RANBP2: variants seen among roughly 807,000 people sequenced by gnomAD.
RANBP2 encodes RAN binding protein 2, also known as E3 SUMO-protein ligase RanBP2.
RANBP2 carries 57 observed loss-of-function variants against 303.6 expected under a neutral mutation model. The observed-to-expected ratio is 0.19, with a 90% confidence interval of 0.15 to 0.23. The LOEUF is 0.23. Ranked by LOEUF, RANBP2 falls within the 10% of genes least tolerant of loss-of-function variation. The probability of loss-of-function intolerance (pLI) is 1.00; values close to 1 mark genes in which losing one functional copy is unlikely to be tolerated. For missense variants in RANBP2, 3,138 were observed against 3,780.8 expected (o/e 0.83, Z 4.46); for synonymous variants, 1,167 against 1,301.5 (o/e 0.90, Z 2.23).
At chr2:109,421,956 T>C in the RANBP2 span, among the ~76,000 whole-genome samples, 2 of 152,212 alleles carry the variant, frequency 1.3e-5, no homozygotes. Flanking sequence ...TCCTTTATTT[T>C]ATCCCCAGAG....
the RANBP2 span, among the ~76,000 whole-genome samples, chr2:109,721,910 C>G: frequency 2.0e-5 from 3 of 152,200 alleles, no homozygotes. Context: ...TGGGTGGTCT[C>G]CACGGAGCCC....
the RANBP2 span, among the ~76,000 whole-genome samples, chr2:109,693,320 G>T: frequency 6.6e-6 from 1 of 152,100 alleles, no homozygotes; most frequent in Non-Finnish European, 1.5e-5. Context: ...TTGCAAGTGT[G>T]TGCCACCATG....
chr2:109,659,924 C>T, the RANBP2 span, among the ~76,000 whole-genome samples: 1 of 152,158 alleles, frequency 6.6e-6, no homozygotes, highest in East Asian at 1.9e-4. Flanking sequence ...GCCCAGATAG[C>T]AAAGTTGGGG....
At chr2:108,861,678 A>G in the RANBP2 span, among the ~76,000 whole-genome samples, 1 of 151,948 alleles carries the variant, frequency 6.6e-6, no homozygotes, top group Non-Finnish European at 1.5e-5. Flanking sequence ...ACAGGGTTTC[A>G]CCATATTGGC....
chr2:109,212,221 C>A, the RANBP2 span, among the ~76,000 whole-genome samples: 1 of 152,138 alleles, frequency 6.6e-6, no homozygotes, highest in Non-Finnish European at 1.5e-5. Context: ...TTTTCTTCCT[C>A]CTCTTCTTGA....
chr2:109,163,643 C>T, the RANBP2 span, among the ~76,000 whole-genome samples: 837 of 152,038 alleles, frequency 5.5e-3, 7 homozygotes, highest in African/African-American at 0.019. Flanking sequence ...TCGTGATCCG[C>T]CCGCCTCGGC....
chr2:109,492,497 G>A, the RANBP2 span, among the ~76,000 whole-genome samples: 2 of 152,186 alleles, frequency 1.3e-5, no homozygotes, highest in Non-Finnish European at 2.9e-5. Context: ...ACTCAGCAGT[G>A]GGCATGGATT....
the RANBP2 span, among the ~76,000 whole-genome samples, chr2:109,243,108 G>A: frequency 6.6e-6 from 1 of 152,258 alleles, no homozygotes; most frequent in Non-Finnish European, 1.5e-5. Flanking sequence ...GAGATGGGAG[G>A]TGTTGTCTTT....
At chr2:108,731,182 G>A (rs954244181) in intron 3 of RANBP2, 140 bp from the exon 4 acceptor site, 147 of 1,391,444 alleles carry the variant, frequency 1.1e-4, no homozygotes, top group Admixed American at 7.9e-4. Flanking sequence ...TAACACCTTT[G>A]AAGTAACATG....
At chr2:109,218,304 G>T in the RANBP2 span, among the ~76,000 whole-genome samples, 7 of 152,154 alleles carry the variant, frequency 4.6e-5, no homozygotes, top group Admixed American at 2.0e-4. Flanking sequence ...CCGTTTTTGT[G>T]GCTTAGAGGA....
At chr2:108,961,721 A>G in the RANBP2 span, among the ~76,000 whole-genome samples, 1 of 152,266 alleles carries the variant, frequency 6.6e-6, no homozygotes, top group South Asian at 2.1e-4. Flanking sequence ...GTGGGTGCGG[A>G]AAAGCCTGGG....
At chr2:109,259,530 T>A in the RANBP2 span, among the ~76,000 whole-genome samples, 1 of 152,220 alleles carries the variant, frequency 6.6e-6, no homozygotes, top group Non-Finnish European at 1.5e-5. Context: ...CCGGGGCCCT[T>A]CATGCCTTAA....
At chr2:109,062,654 C>A in the RANBP2 span, among the ~76,000 whole-genome samples, 2 of 152,184 alleles carry the variant, frequency 1.3e-5, no homozygotes, top group African/African-American at 2.4e-5. Flanking sequence ...TTGGAGAAGG[C>A]AGGACAGCAG....
At chr2:109,603,158 T>C in the RANBP2 span, among the ~76,000 whole-genome samples, 1 of 152,096 alleles carries the variant, frequency 6.6e-6, no homozygotes, top group Non-Finnish European at 1.5e-5. Context: ...TACTTAGGAA[T>C]CAGTGTGAAG....
intron 24 of RANBP2, 101 bp downstream of exon 24, chr2:108,776,037 C>A: frequency 2.0e-6 from 2 of 1,003,938 alleles, no homozygotes; most frequent in Non-Finnish European, 1.5e-6. Flanking sequence ...CTTTAAAACA[C>A]ATTTTGATAT....
At chr2:108,736,352 T>C in intron 6 of RANBP2, 103 bp downstream of exon 6, 2 of 1,599,816 alleles carry the variant, frequency 1.3e-6, no homozygotes, top group East Asian at 2.2e-5. Flanking sequence ...ATTTGTATAA[T>C]GTACCTAGGA....
At chr2:109,545,511 T>C in the RANBP2 span, 2 of 1,536,124 alleles carry the variant, frequency 1.3e-6, no homozygotes, top group Non-Finnish European at 1.7e-6. Flanking sequence ...CTGACATCAA[T>C]GCACAGGAGT....
rs767271238 is a variant in RANBP2, at chr2:108,719,488, G to C, written c.-119G>C. 1.3e-6 allele frequency: 2 copies of C among 1,497,538 alleles called. No homozygotes were observed. Among genetic ancestry groups the C allele is most frequent in the Non-Finnish European group, 1.8e-6 (2 of 1,110,704 alleles). 92.8% of individuals were successfully genotyped at this position (1,497,538 alleles called of 1,614,324 possible). A position where few individuals can be genotyped will look rare whatever the true frequency, so the allele number is the denominator to read the frequency against. On this transcript the variant is annotated 5_prime_UTR_variant, in exon 1 of 29. Transcript: ENST00000283195. ...GCTGCGCCGCAAGTTCGTCACAGTG[G>C]TCCTCCGCCGGCTACGGCGCTGCGT...
At chr2:109,529,357 C>T in the RANBP2 span, among the ~76,000 whole-genome samples, 1,153 of 152,196 alleles carry the variant, frequency 7.6e-3, 21 homozygotes, top group African/African-American at 0.027. Flanking sequence ...GAGTGACCAG[C>T]GGTGTCCTGA....
Sources: allele counts gnomAD v4.1 joint callset (sites outside exome capture counted in the v4.1 genomes callset), GRCh38; gene constraint gnomAD v4.1.1; transcripts MANE v1.5; gene names NCBI Gene and HGNC (gene_info 2026-07-23, HGNC 2026-07-21).